Variants in KCNB2 observed in about 807,000 individuals in gnomAD.
The protein encoded by KCNB2 is potassium voltage-gated channel subfamily B member 2.
A neutral mutation model predicts 61.5 loss-of-function variants in KCNB2; 15 were observed. The ratio of observed to expected loss-of-function variants is 0.24; its 90% CI spans 0.16 to 0.38. KCNB2 has a LOEUF of 0.38. Ranked by LOEUF, KCNB2 falls within the 10% of genes least tolerant of loss-of-function variation. The pLI is 1.00. For missense variants in KCNB2, 828 were observed against 1,125.2 expected, an observed-to-expected ratio of 0.74 and a Z score of 3.78; for synonymous variants, 457 against 446.0, an observed-to-expected ratio of 1.02 and a Z score of -0.31.
intron 2 of KCNB2, among the ~76,000 whole-genome samples, chr8:72,811,084 A>G (rs1327615601): frequency 6.6e-6 from 1 of 151,976 alleles, no homozygotes. Flanking sequence ...TTTAGCTGAT[A>G]TCTTACATAG....
chr8:72,552,459 T>C (rs567899866), intron 1 of KCNB2, among the ~76,000 whole-genome samples: 1 of 152,278 alleles, frequency 6.6e-6, no homozygotes, highest in East Asian at 1.9e-4. Context: ...TTTATGTGAT[T>C]TATGTTGAAA....
In KCNB2 at chr8:72,685,663, C is replaced by T. The variant is rs573128081; in HGVS notation, c.579+117350C>T. 2.6e-5 allele frequency among the ~76,000 whole-genome samples: 4 copies of T among 152,162 alleles called. No individual in the cohort carries two copies. The East Asian group carries it at 7.7e-4, about 29-fold the overall frequency. On this transcript the variant is annotated intron_variant, in intron 2 of 2. Transcript: ENST00000523207. ...GATGAGTGGCAGAGCGGTTGAGTCA[C>T]GGTCTGAATGGGAAGGCAAAGGAAT...
chr8:72,844,509 C>T (rs907802731), intron 2 of KCNB2, among the ~76,000 whole-genome samples: 1 of 152,192 alleles, frequency 6.6e-6, no homozygotes, highest in Non-Finnish European at 1.5e-5. Context: ...GGGAAGTTCT[C>T]CTGAATAATA....
At chr8:72,870,420 G>A (rs1805597930) in intron 2 of KCNB2, among the ~76,000 whole-genome samples, 1 of 152,038 alleles carries the variant, frequency 6.6e-6, no homozygotes, top group Admixed American at 6.5e-5. Flanking sequence ...TATAATTCAG[G>A]CTGGATTCAT....
chr8:72,786,589 G>A (rs1808849264), intron 2 of KCNB2, among the ~76,000 whole-genome samples: 1 of 152,156 alleles, frequency 6.6e-6, no homozygotes, highest in Admixed American at 6.5e-5. Flanking sequence ...GTTCAGCTCT[G>A]AGGCTGTGAA....
At chr8:72,873,478 A>G (rs1161851911) in intron 2 of KCNB2, among the ~76,000 whole-genome samples, 1 of 152,226 alleles carries the variant, frequency 6.6e-6, no homozygotes, top group Non-Finnish European at 1.5e-5. Context: ...AGAATAGTGA[A>G]AGCAGTGTTC....
At chr8:72,843,999 T>C (rs183958644) in intron 2 of KCNB2, among the ~76,000 whole-genome samples, 66 of 152,348 alleles carry the variant, frequency 4.3e-4, no homozygotes, top group African/African-American at 1.2e-3. Flanking sequence ...CTAGTTATTT[T>C]GCCCATTAGT....
chr8:72,777,484 G>A (rs1808675400), intron 2 of KCNB2, among the ~76,000 whole-genome samples: 2 of 152,142 alleles, frequency 1.3e-5, no homozygotes, highest in Admixed American at 1.3e-4. Flanking sequence ...GGGCCTAAGG[G>A]TTCAATGTGC....
intron 2 of KCNB2, among the ~76,000 whole-genome samples, chr8:72,725,006 T>C (rs1807608919): frequency 6.6e-6 from 1 of 152,168 alleles, no homozygotes; most frequent in African/African-American, 2.4e-5. Flanking sequence ...CACATTTACT[T>C]CCACAAAATT....
At chr8:72,644,012 G>A (rs1806092721) in intron 2 of KCNB2, among the ~76,000 whole-genome samples, 1 of 152,054 alleles carries the variant, frequency 6.6e-6, no homozygotes, top group African/African-American at 2.4e-5. Context: ...CAACATCTGG[G>A]AAAAGAATGC....
chr8:72,539,032 G>T (rs1337518840), intron 1 of KCNB2, among the ~76,000 whole-genome samples: 1 of 151,638 alleles, frequency 6.6e-6, no homozygotes, highest in Admixed American at 6.6e-5. Flanking sequence ...TACATATCAA[G>T]AAAATAAAGT....
At chr8:72,654,303 CA>C (rs1324765407) in intron 2 of KCNB2, among the ~76,000 whole-genome samples, 1 of 152,158 alleles carries the variant, frequency 6.6e-6, no homozygotes, top group Non-Finnish European at 1.5e-5. Flanking sequence ...AAGTGTATAT[CA>C]TGAAGTATAT....
chr8:72,882,449 C>T (rs567873369), intron 2 of KCNB2, among the ~76,000 whole-genome samples: 2 of 151,106 alleles, frequency 1.3e-5, no homozygotes, highest in East Asian at 3.9e-4. Flanking sequence ...ATTCAGTGGT[C>T]CCGTTTGGAT....
chr8:72,758,236 A>C (rs1433832837), intron 2 of KCNB2, among the ~76,000 whole-genome samples: 1 of 152,164 alleles, frequency 6.6e-6, no homozygotes, highest in African/African-American at 2.4e-5. Flanking sequence ...GGACAAATAA[A>C]AGAGTGGTCC....
chr8:72,796,964 T>C (rs909448164), intron 2 of KCNB2, among the ~76,000 whole-genome samples: 4 of 152,342 alleles, frequency 2.6e-5, no homozygotes, highest in Non-Finnish European at 2.9e-5. Context: ...AGAAATGTTT[T>C]TAGGTGAATC....
At chr8:72,604,065 A>G (rs1005258508) in intron 2 of KCNB2, among the ~76,000 whole-genome samples, 2 of 152,148 alleles carry the variant, frequency 1.3e-5, no homozygotes, top group African/African-American at 4.8e-5. Flanking sequence ...TAAGCCACCT[A>G]GTTTGTGGTA....
chr8:72,768,771 T>C (rs1336149995), intron 2 of KCNB2, among the ~76,000 whole-genome samples: 1 of 152,206 alleles, frequency 6.6e-6, no homozygotes, highest in Non-Finnish European at 1.5e-5. Flanking sequence ...CCTCATTCTT[T>C]TGCAAGTGGA....
chr8:72,934,042 A>G (rs948619676), intron 2 of KCNB2, among the ~76,000 whole-genome samples: 1 of 152,156 alleles, frequency 6.6e-6, no homozygotes, highest in Non-Finnish European at 1.5e-5. Flanking sequence ...GTTTCACTTT[A>G]TAGCAATTTA....
intron 2 of KCNB2, among the ~76,000 whole-genome samples, chr8:72,853,409 T>C (rs1214715846): frequency 6.6e-6 from 1 of 152,138 alleles, no homozygotes; most frequent in Non-Finnish European, 1.5e-5. Context: ...GCTGAGACCA[T>C]ATTCCTTCAT....
Sources: gnomAD v4.1 joint callset for allele counts (sites outside exome capture counted in the v4.1 genomes callset) on GRCh38, gnomAD v4.1.1 for gene constraint, MANE v1.5 for transcripts, NCBI Gene and HGNC (gene_info 2026-07-23, HGNC 2026-07-21) for gene names.